VPS13A: variants seen among roughly 807,000 people sequenced by gnomAD.
The protein encoded by VPS13A is vacuolar protein sorting 13 homolog A.
Under a neutral mutation model 390.9 loss-of-function variants are expected in VPS13A, and 264 were observed. The observed-to-expected ratio is 0.68, with a 90% CI of 0.61 to 0.75. The LOEUF (loss-of-function observed/expected upper bound fraction) is 0.75. VPS13A is among the 30% of genes least tolerant of loss of function. The pLI, the probability that VPS13A is intolerant of heterozygous loss-of-function variation, is 0.00. For synonymous variants in VPS13A, 1,231 were observed against 1,227.1 expected (o/e 1.00, Z -0.07); for missense variants, 3,409 against 3,733.9 (o/e 0.91, Z 2.27).
chr9:77,339,917 C>G lies in VPS13A; in HGVS notation c.6774+6C>G. The G allele has an allele frequency of 6.2e-7, 1 of 1,607,596 alleles. No individual in the cohort carries two copies. The highest frequency in any genetic ancestry group is 8.5e-7 in the Non-Finnish European group (1 of 1,179,576). ...ACTTTTTTAATAACAATAAGGTATG[C>G]GATGTTTATTCTGTTTTTCCCTTGT... On this transcript the variant is annotated splice_donor_region_variant and intron_variant, in intron 48 of 71. Coordinates refer to ENST00000360280, the MANE Select transcript of VPS13A (RefSeq NM_033305.3).
intron 21 of VPS13A, among the ~76,000 whole-genome samples, chr9:77,251,808 C>T (rs1277968132): frequency 6.6e-6 from 1 of 152,042 alleles, no homozygotes; most frequent in Non-Finnish European, 1.5e-5. Flanking sequence ...TTATCACTAG[C>T]AGATTGATCA....
intron 1 of VPS13A, among the ~76,000 whole-genome samples, chr9:77,183,112 A>G (rs142561527): frequency 2.1e-4 from 32 of 152,352 alleles, no homozygotes; most frequent in Admixed American, 3.9e-4. Context: ...TTTAAAGACT[A>G]TGAAACATTT....
intron 47 of VPS13A, chr9:77,338,552 T>C (rs1463447379): frequency 3.3e-5 from 5 of 152,176 alleles, no homozygotes; most frequent in Non-Finnish European, 4.4e-5. Context: ...AATTAGATTG[T>C]GTATGTAAAG....
In VPS13A at chr9:77,275,513, T is replaced by G; in HGVS notation, c.2528T>G (p.Phe843Cys). The change falls in exon 25 of 72, where the codon TTT (phenylalanine) becomes TGT (cysteine). Residue 843 changes from phenylalanine to cysteine, a missense_variant. Physicochemically the swap from Phe to Cys is radical, Grantham distance 205 (BLOSUM62 -2). Coordinates refer to ENST00000360280, the MANE Select transcript of VPS13A (RefSeq NM_033305.3). ...TGAAATGTAGATTCAGAGGAGGAATTTTTTGATGCACCATGTAGTCCCTTG... is the reference window on the plus strand; with the variant it reads ...TGAAATGTAGATTCAGAGGAGGAATGTTTTGATGCACCATGTAGTCCCTTG... ...SVSEDDSEEE[F>C]FDAPCSPLEE... The G allele has an allele frequency of 6.2e-7, 1 of 1,613,728 alleles. No homozygotes were observed. The highest frequency in any genetic ancestry group is 1.7e-5 in the Admixed American group (1 of 60,002).
intron 1 of VPS13A, among the ~76,000 whole-genome samples, chr9:77,183,853 GGATA>G (rs1266291979): frequency 6.6e-6 from 1 of 152,188 alleles, no homozygotes; most frequent in Non-Finnish European, 1.5e-5. Context: ...ACAGGTGAAT[GGATA>G]AACAAACTGG....
intron 67 of VPS13A, among the ~76,000 whole-genome samples, chr9:77,371,471 CA>C: frequency 6.6e-6 from 1 of 152,084 alleles, no homozygotes; most frequent in Non-Finnish European, 1.5e-5. Flanking sequence ...CCCACTCCCA[CA>C]GCAACAGTAT....
intron 2 of VPS13A, among the ~76,000 whole-genome samples, chr9:77,200,677 C>T (rs753384016): frequency 3.9e-5 from 6 of 152,080 alleles, no homozygotes; most frequent in Non-Finnish European, 8.8e-5. Flanking sequence ...CCCTTTCAGC[C>T]TCCTGAGCAG....
intron 33 of VPS13A, among the ~76,000 whole-genome samples, chr9:77,299,128 TG>T (rs1370684604): frequency 1.3e-5 from 2 of 152,226 alleles, no homozygotes; most frequent in Non-Finnish European, 2.9e-5. Flanking sequence ...ATATCCGTTT[TG>T]GTAACAGTAC....
At chr9:77,345,405 TGAG>T (rs1254820768) in intron 52 of VPS13A, among the ~76,000 whole-genome samples, 1 of 152,234 alleles carries the variant, frequency 6.6e-6, no homozygotes, top group African/African-American at 2.4e-5. Flanking sequence ...TTGACTCTGA[TGAG>T]GAGTCTGTCA....
rs116309492 is a variant in VPS13A, at chr9:77,234,376, C to T, written c.1596-3626C>T. Among the ~76,000 whole-genome samples, 1,295 of 152,250 alleles carry T rather than the reference C, an allele frequency of 8.5e-3. 22 individuals are homozygous for T. Among genetic ancestry groups the T allele is most frequent in the African/African-American group, 0.03 (1,242 of 41,526 alleles). On this transcript the variant is annotated intron_variant, in intron 17 of 71. Transcript: ENST00000360280. ...TTTATATGTTAGTATAACCACCCAG[C>T]TCTCTCTTGGTTATGAGTTGCATGC...
chr9:77,406,109 TC>T, intron 70 of VPS13A, 122 bp downstream of exon 70: 1 of 1,328,060 alleles, frequency 7.5e-7, no homozygotes, highest in Non-Finnish European at 1.1e-6. Context: ...GGTGTGGTTT[TC>T]CCTTATACCT....
chr9:77,409,823 C>T lies in VPS13A; in HGVS notation c.9474+2216C>T, dbSNP rs1233669065. On this transcript the variant is annotated intron_variant, in intron 71 of 71. Coordinates refer to ENST00000360280, the MANE Select transcript of VPS13A (RefSeq NM_033305.3). ...AAAGACCAAATCTACGTCTGATTGT[C>T]ATACCTGAAAGTGATGGGGAGAATG... Among the ~76,000 whole-genome samples, 277 of 151,318 alleles carry T rather than the reference C, an allele frequency of 1.8e-3. 8 individuals are homozygous for T. The highest frequency in any genetic ancestry group is 6.2e-3 in the African/African-American group (256 of 41,008).
Position 77,348,730 on chromosome 9 carries a change from G to A in VPS13A, c.7290-2587G>A, listed in dbSNP as rs1027759450. Reference sequence around the variant, plus strand: ...TTTACATATGTAGATTGCAGCATTCGTCACATTGTGTTACTTTCTTGTGAG... The same window carrying A: ...TTTACATATGTAGATTGCAGCATTCATCACATTGTGTTACTTTCTTGTGAG... On this transcript the variant is annotated intron_variant, in intron 52 of 71. Transcript: ENST00000360280. Among the ~76,000 whole-genome samples, 5 of 152,116 alleles carry A rather than the reference G, an allele frequency of 3.3e-5. 1 individual carries two copies. In the South Asian group the frequency reaches 1.0e-3, roughly 32 times the overall value.
At chr9:77,298,864 T>C (rs946964436) in intron 33 of VPS13A, among the ~76,000 whole-genome samples, 2 of 152,188 alleles carry the variant, frequency 1.3e-5, no homozygotes, top group Non-Finnish European at 2.9e-5. Flanking sequence ...GGAAACCCCT[T>C]TGACTTGGCT....
chr9:77,207,227 A>ACG, intron 5 of VPS13A, among the ~76,000 whole-genome samples: 1 of 96,128 alleles, frequency 1.0e-5, no homozygotes, highest in Non-Finnish European at 2.3e-5. Flanking sequence ...ATATATATAT[A>ACG]TATATATATA....
rs1286714220 is a variant in VPS13A at position 77,323,117 on chromosome 9, C to T, written c.5881C>T (p.Arg1961Ter). ...TAAGATTCCTTTAACAAAAGTGGGA[C>T]GACGTCTGTACACTGTAAGACACAG... The part of the protein sequence containing the change: ...ADKIPLTKVG[R>*]RLYTVRHRES... The change falls in exon 45 of 72, where the codon CGA becomes TGA. Residue 1961 changes from arginine to a stop codon, truncating the protein, a stop_gained. Coordinates refer to ENST00000360280, the MANE Select transcript of VPS13A (RefSeq NM_033305.3). LOFTEE classifies it high-confidence loss of function. 9 of 1,613,092 alleles carry T rather than the reference C, an allele frequency of 5.6e-6. No individual in the cohort carries two copies. The highest frequency in any genetic ancestry group is 2.2e-5 in the East Asian group (1 of 44,836).
intron 1 of VPS13A, among the ~76,000 whole-genome samples, chr9:77,196,605 T>C (rs1051645161): frequency 1.1e-4 from 17 of 152,164 alleles, no homozygotes; most frequent in African/African-American, 4.1e-4. Context: ...CCTGGCTTAT[T>C]TCCCTTAGCA....
chr9:77,414,987 A>G (rs1193408931), intron 71 of VPS13A, among the ~76,000 whole-genome samples: 1 of 152,070 alleles, frequency 6.6e-6, no homozygotes, highest in Non-Finnish European at 1.5e-5. Context: ...GTCCTATGCA[A>G]TTTTCTATCT....
At chr9:77,239,488 AT>A (rs539723826) in intron 19 of VPS13A, among the ~76,000 whole-genome samples, 2 of 151,748 alleles carry the variant, frequency 1.3e-5, no homozygotes, top group African/African-American at 4.8e-5. Flanking sequence ...TAATGCTTTA[AT>A]TTTTTTCCCT....
Sources: allele counts gnomAD v4.1 joint callset (sites outside exome capture counted in the v4.1 genomes callset), GRCh38; gene constraint gnomAD v4.1.1; transcripts MANE v1.5; gene names NCBI Gene and HGNC (gene_info 2026-07-23, HGNC 2026-07-21).